The following CTNNA2 variants were observed in gnomAD, a reference collection of about 807,000 sequenced individuals.
CTNNA2 encodes catenin alpha-2.
In CTNNA2, 42 loss-of-function variants were observed where a neutral mutation model predicts 101.0. The observed-to-expected ratio is 0.42, with a 90% CI of 0.32 to 0.54. CTNNA2 has a LOEUF of 0.54. Ranked by LOEUF, CTNNA2 falls within the 20% of genes least tolerant of loss-of-function variation. The probability of loss-of-function intolerance (pLI) is 0.14; values close to 1 mark genes in which losing one functional copy is unlikely to be tolerated. For missense variants in CTNNA2, 871 were observed against 1,223.1 expected, an observed-to-expected ratio of 0.71 and a Z score of 4.29; for synonymous variants, 450 against 456.4, an observed-to-expected ratio of 0.99 and a Z score of 0.18.
At chr2:79,468,596 G>T (rs559259904) in intron 4 of CTNNA2, among the ~76,000 whole-genome samples, 14 of 151,960 alleles carry the variant, frequency 9.2e-5, no homozygotes, top group Non-Finnish European at 1.9e-4. Context: ...GCACCACATC[G>T]CACTTATTCC....
intron 1 of CTNNA2, among the ~76,000 whole-genome samples, chr2:79,571,841 C>G (rs1675477821): frequency 6.6e-6 from 1 of 152,090 alleles, no homozygotes; most frequent in African/African-American, 2.4e-5. Flanking sequence ...TTTGGAGATG[C>G]TATTTCCCTT....
intron 3 of CTNNA2, among the ~76,000 whole-genome samples, chr2:79,816,896 A>T (rs1677547490): frequency 6.6e-6 from 1 of 152,164 alleles, no homozygotes; most frequent in Admixed American, 6.5e-5. Context: ...AAACCTTACG[A>T]TGTTCAAATC....
chr2:79,795,095 A>G lies in CTNNA2; in HGVS notation c.298+50513A>G, dbSNP rs143905048. On this transcript the variant is annotated intron_variant, in intron 3 of 18. Coordinates refer to ENST00000402739, the MANE Select transcript of CTNNA2 (RefSeq NM_001282597.3). Reference sequence around the variant, plus strand: ...AATAGTGAAAAATATGTGCAATGCTATACTATTTCTATGACAGAAAGTCAG... The same window carrying G: ...AATAGTGAAAAATATGTGCAATGCTGTACTATTTCTATGACAGAAAGTCAG... Among the ~76,000 whole-genome samples, 279 of 152,370 alleles carry G rather than the reference A, an allele frequency of 1.8e-3. 2 individuals carry two copies. The highest frequency in any genetic ancestry group is 6.6e-3 in the African/African-American group (276 of 41,596).
intron 7 of CTNNA2, among the ~76,000 whole-genome samples, chr2:80,184,639 G>A (rs1257967496): frequency 6.6e-6 from 1 of 152,144 alleles, no homozygotes; most frequent in African/African-American, 2.4e-5. Context: ...ATAGGATTTA[G>A]TGTGCAATGA....
At chr2:79,730,072 A>G (rs1312430274) in intron 2 of CTNNA2, among the ~76,000 whole-genome samples, 1 of 152,116 alleles carries the variant, frequency 6.6e-6, no homozygotes, top group African/African-American at 2.4e-5. Context: ...AAAATGAGAC[A>G]AATATGTGCT....
At chr2:79,729,363 A>C (rs907249795) in intron 2 of CTNNA2, among the ~76,000 whole-genome samples, 1 of 152,226 alleles carries the variant, frequency 6.6e-6, no homozygotes, top group South Asian at 2.1e-4. Context: ...TTCACTTTTC[A>C]GAATGGGAAG....
intron 7 of CTNNA2, among the ~76,000 whole-genome samples, chr2:79,989,298 A>C (rs58657954): frequency 3.9e-5 from 6 of 152,186 alleles, no homozygotes; most frequent in Non-Finnish European, 8.8e-5. Context: ...AGATAGAAGC[A>C]CTTCTTCCTC....
At chr2:79,840,069 T>G (rs901132623) in intron 3 of CTNNA2, among the ~76,000 whole-genome samples, 1 of 152,220 alleles carries the variant, frequency 6.6e-6, no homozygotes, top group Non-Finnish European at 1.5e-5. Flanking sequence ...ACAGAAAGTA[T>G]AAAATTATTC....
At chr2:80,220,694 C>T (rs1482346724) in intron 7 of CTNNA2, among the ~76,000 whole-genome samples, 1 of 152,228 alleles carries the variant, frequency 6.6e-6, no homozygotes, top group Non-Finnish European at 1.5e-5. Context: ...TGTTGGACTT[C>T]TTGCTGCTGG....
At chr2:79,906,665 T>C (rs1162366985) in intron 6 of CTNNA2, among the ~76,000 whole-genome samples, 4 of 152,310 alleles carry the variant, frequency 2.6e-5, no homozygotes, top group Admixed American at 1.3e-4. Flanking sequence ...CCCCAGGCCA[T>C]GGCAGGTAGG....
intron 2 of CTNNA2, among the ~76,000 whole-genome samples, chr2:79,717,832 G>A (rs1473877268): frequency 6.6e-6 from 1 of 152,210 alleles, no homozygotes; most frequent in Admixed American, 6.5e-5. Context: ...AAAGCATGGA[G>A]AGAGTGAATG....
chr2:79,191,558 G>A (rs926143172), intron 1 of CTNNA2, among the ~76,000 whole-genome samples: 20 of 152,192 alleles, frequency 1.3e-4, no homozygotes, highest in African/African-American at 4.6e-4. Context: ...TATACTGAGA[G>A]ATGGAAATTG....
chr2:80,326,642 A>T (rs776190199), intron 7 of CTNNA2, among the ~76,000 whole-genome samples: 25 of 151,792 alleles, frequency 1.6e-4, no homozygotes, highest in Non-Finnish European at 2.8e-4. Flanking sequence ...AATAGTTCTA[A>T]TTTTTTTTTA....
chr2:79,235,140 A>T (rs1674540041), intron 2 of CTNNA2, among the ~76,000 whole-genome samples: 1 of 152,138 alleles, frequency 6.6e-6, no homozygotes, highest in Non-Finnish European at 1.5e-5. Flanking sequence ...ATTCTTTCTC[A>T]TGTGGAAGGG....
intron 4 of CTNNA2, among the ~76,000 whole-genome samples, chr2:79,490,626 A>C (rs1008874711): frequency 6.6e-6 from 1 of 152,334 alleles, no homozygotes; most frequent in East Asian, 1.9e-4. Flanking sequence ...TTACAACTGA[A>C]TACAGGAGGC....
chr2:79,305,778 G>A (rs1041962165), intron 2 of CTNNA2, among the ~76,000 whole-genome samples: 2 of 152,114 alleles, frequency 1.3e-5, no homozygotes, highest in African/African-American at 4.8e-5. Flanking sequence ...GGGTGCGGTG[G>A]ATTATGCCTG....
intron 7 of CTNNA2, among the ~76,000 whole-genome samples, chr2:80,197,448 C>G (rs966506228): frequency 8.5e-5 from 13 of 152,262 alleles, no homozygotes; most frequent in African/African-American, 3.1e-4. Flanking sequence ...ACCTCAAATC[C>G]TTACAGTCTC....
At chr2:80,583,109 T>C (rs1333374923) in intron 14 of CTNNA2, among the ~76,000 whole-genome samples, 1 of 152,208 alleles carries the variant, frequency 6.6e-6, no homozygotes, top group Non-Finnish European at 1.5e-5. Flanking sequence ...TGCTCAAAGC[T>C]ACATGTTGCT....
intron 7 of CTNNA2, among the ~76,000 whole-genome samples, chr2:80,004,149 G>C (rs929802272): frequency 2.0e-5 from 3 of 152,082 alleles, no homozygotes; most frequent in Non-Finnish European, 2.9e-5. Flanking sequence ...TACTATGCTG[G>C]AATGCTTGTA....
Sources: allele counts gnomAD v4.1 joint callset (sites outside exome capture counted in the v4.1 genomes callset), GRCh38; gene constraint gnomAD v4.1.1; transcripts MANE v1.5; gene names NCBI Gene and HGNC (gene_info 2026-07-23, HGNC 2026-07-21).